ADGRL2: variants seen among roughly 807,000 people sequenced by gnomAD.
ADGRL2 encodes calcium-independent alpha-latrotoxin receptor 2.
Under a neutral mutation model 157.4 loss-of-function variants are expected in ADGRL2, and 44 were observed. The ratio of observed to expected loss-of-function variants is 0.28; its 90% confidence interval spans 0.22 to 0.36. The LOEUF (loss-of-function observed/expected upper bound fraction) is 0.36. Among genes scored for constraint, ADGRL2 ranks in the 10% least tolerant of loss-of-function variants. ADGRL2 has a pLI of 1.00. For synonymous variants in ADGRL2, 585 were observed against 624.7 expected (o/e 0.94, Z 0.95); for missense variants, 1,510 against 1,768.9 (o/e 0.85, Z 2.63).
intron 2 of ADGRL2, among the ~76,000 whole-genome samples, chr1:81,906,032 G>T (rs1319839552): frequency 1.3e-5 from 2 of 150,036 alleles, no homozygotes; most frequent in Non-Finnish European, 3.0e-5. Context: ...ATATATTTTG[G>T]AAGTTTGGCC....
intron 1 of ADGRL2, among the ~76,000 whole-genome samples, chr1:81,415,929 C>T (rs1361674863): frequency 2.0e-5 from 3 of 151,658 alleles, no homozygotes; most frequent in Non-Finnish European, 4.4e-5. Context: ...CAAGCTCGGC[C>T]TCCCGGGTTC....
At chr1:81,698,307 C>G (rs1411781706), upstream of ADGRL2, among the ~76,000 whole-genome samples, 1 of 152,040 alleles carries the variant, frequency 6.6e-6, no homozygotes, top group Non-Finnish European at 1.5e-5. Flanking sequence ...ATTTACTTGG[C>G]CAATGATTAC....
At chr1:81,489,236 CAA>C (rs35819907) in intron 2 of ADGRL2, among the ~76,000 whole-genome samples, 11 of 143,902 alleles carry the variant, frequency 7.6e-5, no homozygotes, top group Non-Finnish European at 1.5e-4. Context: ...GACTCTGTCT[CAA>C]AAAAAAAATT....
At chr1:81,899,946 T>G (rs2151603001) in intron 2 of ADGRL2, among the ~76,000 whole-genome samples, 1 of 152,278 alleles carries the variant, frequency 6.6e-6, no homozygotes, top group African/African-American at 2.4e-5. Context: ...TCCCCAAACC[T>G]GCTGCTGATG....
intron 3 of ADGRL2, among the ~76,000 whole-genome samples, chr1:81,623,642 T>TA (rs948658218): frequency 1.3e-5 from 2 of 148,836 alleles, no homozygotes; most frequent in African/African-American, 5.0e-5. Context: ...TTCCTTTTTT[T>TA]TTTTTTTTTT....
At chr1:81,764,872 G>A (rs1025940724) in intron 2 of ADGRL2, among the ~76,000 whole-genome samples, 1 of 151,988 alleles carries the variant, frequency 6.6e-6, no homozygotes, top group East Asian at 1.9e-4. Context: ...ATAACATTGA[G>A]AGACTTGGAG....
rs1364925463 is a variant in ADGRL2, at chr1:81,319,114, AT to A, written c.-302+12617del. 1.8e-3 allele frequency among the ~76,000 whole-genome samples: 249 copies of A among 137,800 alleles called. 1 individual carries two copies. The highest frequency in any genetic ancestry group is 7.2e-3 in the Middle Eastern group (2 of 276). The allele number at this position is 137,800 out of a possible 152,430, so 90.4% of individuals were successfully genotyped here. A position where few individuals can be genotyped will look rare whatever the true frequency, so the allele number is the denominator to read the frequency against. On this transcript the variant is annotated intron_variant, in intron 1 of 24. Coordinates refer to the ADGRL2 transcript ENST00000370721. ...GCACCACCACCCCGGCTAATTTTGT[AT>A]TTTTTTTTTTTAGTAGAGACGGGGT...
At chr1:81,414,107 G>C (rs1289172960) in intron 1 of ADGRL2, 4 of 152,184 alleles carry the variant, frequency 2.6e-5, no homozygotes, top group Non-Finnish European at 5.9e-5. Context: ...ACTCTGTGCT[G>C]TATCATATTC....
intron 2 of ADGRL2, among the ~76,000 whole-genome samples, chr1:81,462,311 C>G (rs767148865): frequency 6.6e-6 from 1 of 152,114 alleles, no homozygotes; most frequent in Non-Finnish European, 1.5e-5. Context: ...GCTCTGCTGC[C>G]CTTCTATGTT....
intron 3 of ADGRL2, among the ~76,000 whole-genome samples, chr1:81,675,579 T>G (rs573889999): frequency 6.6e-6 from 1 of 152,006 alleles, no homozygotes; most frequent in Non-Finnish European, 1.5e-5. Flanking sequence ...ACTGTTTTTT[T>G]TTTTTTTTCT....
intron 3 of ADGRL2, among the ~76,000 whole-genome samples, chr1:81,642,602 A>C (rs1387125330): frequency 1.3e-5 from 2 of 152,094 alleles, no homozygotes; most frequent in African/African-American, 4.8e-5. Flanking sequence ...AGTTTTACCA[A>C]ATATTTAAGG....
chr1:81,401,171 A>G (rs1424636660), intron 1 of ADGRL2, among the ~76,000 whole-genome samples: 1 of 152,090 alleles, frequency 6.6e-6, no homozygotes, highest in African/African-American at 2.4e-5. Context: ...GGTGGCCAAC[A>G]TACTTGCTCT....
intron 1 of ADGRL2, among the ~76,000 whole-genome samples, chr1:81,438,635 G>A (rs555101755): frequency 6.6e-6 from 1 of 152,008 alleles, no homozygotes; most frequent in African/African-American, 2.4e-5. Flanking sequence ...AGAGCTGATC[G>A]GTAAACATTT....
chr1:81,471,531 G>A (rs534239873), intron 2 of ADGRL2, among the ~76,000 whole-genome samples: 40 of 152,210 alleles, frequency 2.6e-4, no homozygotes, highest in African/African-American at 9.1e-4. Flanking sequence ...CCTTTGCAAG[G>A]CATTTTAATA....
intron 3 of ADGRL2, among the ~76,000 whole-genome samples, chr1:81,626,644 A>C (rs546236005): frequency 6.6e-6 from 1 of 152,346 alleles, no homozygotes; most frequent in East Asian, 1.9e-4. Flanking sequence ...GTAAAAACAC[A>C]CGCGGGCAGT....
At chr1:81,544,829 C>G (rs772042443) in intron 2 of ADGRL2, among the ~76,000 whole-genome samples, 3 of 152,154 alleles carry the variant, frequency 2.0e-5, no homozygotes, top group Non-Finnish European at 4.4e-5. Flanking sequence ...GTAACTCTGA[C>G]AGTGATGTAT....
intron 2 of ADGRL2, among the ~76,000 whole-genome samples, chr1:81,506,952 G>T (rs1271000118): frequency 6.6e-6 from 1 of 152,168 alleles, no homozygotes; most frequent in Admixed American, 6.5e-5. Context: ...AGGTCCTGGG[G>T]ATTCAGCAGT....
intron 14 of ADGRL2, 101 bp from the exon 15 acceptor site, chr1:81,969,077 G>C (rs1286841822): frequency 4.9e-6 from 4 of 819,060 alleles, no homozygotes; most frequent in African/African-American, 1.7e-5. Context: ...ATTCTTCAAA[G>C]AGTTCAGTAG....
intron 2 of ADGRL2, among the ~76,000 whole-genome samples, chr1:81,541,872 C>G (rs1176458480): frequency 6.6e-6 from 1 of 151,864 alleles, no homozygotes; most frequent in South Asian, 2.1e-4. Context: ...GCAGGAGAAT[C>G]GCTTGAACCC....
Sources: allele counts gnomAD v4.1 joint callset (sites outside exome capture counted in the v4.1 genomes callset), GRCh38; gene constraint gnomAD v4.1.1; transcripts MANE v1.5; gene names NCBI Gene and HGNC (gene_info 2026-07-23, HGNC 2026-07-21).